The following CYTH1 variants were observed in gnomAD, a reference collection of about 807,000 sequenced individuals.
CYTH1 encodes cytohesin 1.
In CYTH1, 18 loss-of-function variants were observed where a neutral mutation model predicts 61.8. The observed-to-expected ratio is 0.29, with a 90% CI of 0.20 to 0.43. The LOEUF (loss-of-function observed/expected upper bound fraction) is 0.43, where lower values mean the gene tolerates loss of function less well. Among genes scored for constraint, CYTH1 ranks in the 20% least tolerant of loss-of-function variants. The pLI, the probability that CYTH1 is intolerant of heterozygous loss-of-function variation, is 1.00. For missense variants in CYTH1, 336 were observed against 510.5 expected (o/e 0.66, Z 3.29); for synonymous variants, 174 against 184.3 (o/e 0.94, Z 0.45).
chr17:78,770,336 AAAAGAAAAG>A (rs1480240529), intron 1 of CYTH1, among the ~76,000 whole-genome samples: 1 of 109,160 alleles, frequency 9.2e-6, no homozygotes, highest in African/African-American at 3.2e-5. Flanking sequence ...AAAAAAAAAA[AAAAGAAAAG>A]AAAAGAAAAG....
intron 1 of CYTH1, among the ~76,000 whole-genome samples, chr17:78,754,371 TCTCA>T (rs2093392627): frequency 6.6e-6 from 1 of 151,960 alleles, no homozygotes; most frequent in African/African-American, 2.4e-5. Context: ...TGAGACAGGG[TCTCA>T]CTGTGTTGCC....
At chr17:78,760,382 TATACACACACATAC>T (rs1360954211) in intron 1 of CYTH1, among the ~76,000 whole-genome samples, 3 of 51,706 alleles carry the variant, frequency 5.8e-5, no homozygotes, top group Non-Finnish European at 1.1e-4. Flanking sequence ...TATATATATA[TATACACACACATAC>T]ATATATATAT....
At chr17:78,687,916 G>A (rs539847712) in intron 11 of CYTH1, among the ~76,000 whole-genome samples, 12 of 152,334 alleles carry the variant, frequency 7.9e-5, no homozygotes, top group African/African-American at 2.9e-4. Flanking sequence ...TCTGGCCAGT[G>A]ATGTGCCTTT....
intron 1 of CYTH1, among the ~76,000 whole-genome samples, chr17:78,762,158 T>C (rs1414005468): frequency 6.6e-6 from 1 of 152,248 alleles, no homozygotes; most frequent in Non-Finnish European, 1.5e-5. Context: ...GGAAAAATTA[T>C]CTTTACTCTC....
At chr17:78,749,171 G>A (rs998730904) in intron 1 of CYTH1, among the ~76,000 whole-genome samples, 1 of 152,178 alleles carries the variant, frequency 6.6e-6, no homozygotes, top group Non-Finnish European at 1.5e-5. Flanking sequence ...GGAGGCCAAG[G>A]TGGGAGGATC....
chr17:78,774,646 G>A (rs993171833), intron 1 of CYTH1, among the ~76,000 whole-genome samples: 1 of 152,080 alleles, frequency 6.6e-6, no homozygotes, highest in African/African-American at 2.4e-5. Flanking sequence ...AAATGCAACA[G>A]GCTCCTCTCC....
At chr17:78,687,023 T>C (rs2092823368) in intron 11 of CYTH1, among the ~76,000 whole-genome samples, 2 of 152,120 alleles carry the variant, frequency 1.3e-5, no homozygotes, top group African/African-American at 4.8e-5. Context: ...TCAGGTGATC[T>C]GCCCACCTTG....
rs539026433 is a variant in CYTH1 at position 78,704,182 on chromosome 17, T to C, written c.171-1578A>G. On this transcript the variant is annotated intron_variant, in intron 3 of 13. Coordinates refer to ENST00000446868, the MANE Select transcript of CYTH1 (RefSeq NM_004762.6). ...CTCAACAAAACAGATTCTGACTCTA[T>C]GTCTGAGAAGGGGCCTGTGCTTCTG... 2.0e-4 allele frequency among the ~76,000 whole-genome samples: 30 copies of C among 152,324 alleles called. No homozygotes were observed. The South Asian group carries it at 6.2e-3, about 32-fold the overall frequency.
intron 1 of CYTH1, among the ~76,000 whole-genome samples, chr17:78,759,183 CA>C (rs571202294): frequency 9.7e-4 from 148 of 152,270 alleles, no homozygotes; most frequent in African/African-American, 3.5e-3. Context: ...CAATTGTAGC[CA>C]ATCGAAGCCC....
intron 1 of CYTH1, among the ~76,000 whole-genome samples, chr17:78,718,558 C>A (rs1157615704): frequency 6.6e-6 from 1 of 152,210 alleles, no homozygotes; most frequent in East Asian, 1.9e-4. Flanking sequence ...GTCAATCCTA[C>A]TAGTCAGACC....
At chr17:78,744,650 A>G (rs1240295607) in intron 1 of CYTH1, among the ~76,000 whole-genome samples, 1 of 152,212 alleles carries the variant, frequency 6.6e-6, no homozygotes, top group Admixed American at 6.5e-5. Flanking sequence ...GGGGGAAAAA[A>G]GAGTTGATGG....
At chr17:78,762,498 G>T (rs1381909800) in intron 1 of CYTH1, among the ~76,000 whole-genome samples, 1 of 152,198 alleles carries the variant, frequency 6.6e-6, no homozygotes, top group Non-Finnish European at 1.5e-5. Context: ...AGGCACTAAG[G>T]TAGATGTATA....
In CYTH1 at chr17:78,774,927, C is replaced by T. The variant is rs540672794; in HGVS notation, c.22+7275G>A. On this transcript the variant is annotated intron_variant, in intron 1 of 13. Coordinates refer to ENST00000446868, the MANE Select transcript of CYTH1 (RefSeq NM_004762.6). The stretch of plus-strand genomic sequence containing the variant: ...AGAAGAAACTACTCTCTTTTCTTAT[C>T]AAACCCCCGAAGTACCCACCAGGGC... 1.4e-4 allele frequency among the ~76,000 whole-genome samples: 21 copies of T among 152,334 alleles called. No homozygotes were observed. In the East Asian group the frequency reaches 3.9e-3, roughly 28 times the overall value.
In CYTH1 at chr17:78,711,312, T is replaced by TAC. The variant is rs1250252067; in HGVS notation, c.23-1581_23-1580insGT. Reference sequence around the variant, plus strand: ...AATAAATAAATAAATAATATATATATATACACACACACACACACACACACA... The same window carrying TAC: ...AATAAATAAATAAATAATATATATATACATACACACACACACACACACACACA... On this transcript the variant is annotated intron_variant, in intron 1 of 13. Transcript: ENST00000446868. Among the ~76,000 whole-genome samples, 1,119 of 132,062 alleles carry TAC rather than the reference T, an allele frequency of 8.5e-3. 15 individuals carry two copies. The highest frequency in any genetic ancestry group is 0.027 in the African/African-American group (1,023 of 38,182). The allele number at this position is 132,062 out of a possible 152,430, so 86.6% of individuals were successfully genotyped here.
intron 1 of CYTH1, among the ~76,000 whole-genome samples, chr17:78,737,874 TAC>T (rs10660165): frequency 0.2 from 29,641 of 149,934 alleles, 3,020 homozygotes; most frequent in Middle Eastern, 0.24. Flanking sequence ...CTTCTATAGA[TAC>T]ACACACACAC....
chr17:78,744,187 T>G (rs1417380832), intron 1 of CYTH1, among the ~76,000 whole-genome samples: 2 of 152,230 alleles, frequency 1.3e-5, no homozygotes, highest in Non-Finnish European at 2.9e-5. Context: ...TAAACCTTCA[T>G]GTTTACCAGA....
At chr17:78,741,783 C>T (rs906985330) in intron 1 of CYTH1, among the ~76,000 whole-genome samples, 1 of 152,174 alleles carries the variant, frequency 6.6e-6, no homozygotes, top group African/African-American at 2.4e-5. Flanking sequence ...CTGGTCAAAC[C>T]CAACCAGGAA....
At chr17:78,727,683 C>T (rs998576334) in intron 1 of CYTH1, 11 of 471,016 alleles carry the variant, frequency 2.3e-5, no homozygotes, top group East Asian at 1.4e-4. Flanking sequence ...GGAGCAGGCA[C>T]GGCCGACCCA....
At chr17:78,716,633 T>C (rs1354755423) in intron 1 of CYTH1, among the ~76,000 whole-genome samples, 2 of 152,244 alleles carry the variant, frequency 1.3e-5, no homozygotes, top group Non-Finnish European at 2.9e-5. Flanking sequence ...ATTTTTCTAG[T>C]GGAATTTTAT....
Sources: allele counts gnomAD v4.1 joint callset (sites outside exome capture counted in the v4.1 genomes callset), GRCh38; gene constraint gnomAD v4.1.1; transcripts MANE v1.5; gene names NCBI Gene and HGNC (gene_info 2026-07-23, HGNC 2026-07-21).